Variants in RETREG3 observed in about 807,000 individuals in gnomAD.
The protein encoded by RETREG3 is reticulophagy regulator family member 3.
In RETREG3, 23 loss-of-function variants were observed where a neutral mutation model predicts 50.2. The observed-to-expected ratio is 0.46, with a 90% confidence interval of 0.33 to 0.65. The LOEUF is 0.65. Among genes scored for constraint, RETREG3 ranks in the 30% least tolerant of loss-of-function variants. The pLI is 0.02. For synonymous variants in RETREG3, 240 were observed against 234.4 expected, an observed-to-expected ratio of 1.02 and a Z score of -0.22; for missense variants, 546 against 598.0, an observed-to-expected ratio of 0.91 and a Z score of 0.91.
chr17:42,581,958 G>C lies in RETREG3; in HGVS notation c.1256C>G (p.Ser419Cys). The change falls in exon 9 of 9, where the codon TCT becomes TGT. Residue 419 changes from serine to cysteine, a missense_variant. Transcript: ENST00000309428. ...CGTTGCTCTCTGGGCAGGTGCTCCA[G>C]AAGGGCCTGGTTGGGAGGCCCCTGA... The part of the protein sequence containing the change: ...ALSGASQPGP[S>C]GAPAQRATRG... 3 of 1,614,136 alleles carry C rather than the reference G, an allele frequency of 1.9e-6. No homozygotes were observed. Among genetic ancestry groups the C allele is most frequent in the Non-Finnish European group, 1.7e-6 (2 of 1,180,022 alleles).
chr17:42,607,365 T>C lies in RETREG3; in HGVS notation c.239+1721A>G, dbSNP rs552177330. Among the ~76,000 whole-genome samples, 80 of 151,186 alleles carry C rather than the reference T, an allele frequency of 5.3e-4. 1 individual carries two copies. The highest frequency in any genetic ancestry group is 1.8e-3 in the African/African-American group (76 of 41,118). On this transcript the variant is annotated intron_variant, in intron 1 of 8. Transcript: ENST00000309428. The stretch of plus-strand genomic sequence containing the variant: ...AATTTAAAAAATTAGCCAAGCATGA[T>C]GATGTGCACCTCTGGTCCCAGCTAT...
chr17:42,594,091 T>C (rs2093138778), intron 1 of RETREG3, among the ~76,000 whole-genome samples: 2 of 152,236 alleles, frequency 1.3e-5, no homozygotes, highest in Non-Finnish European at 2.9e-5. Flanking sequence ...CCTGGGGGAC[T>C]GCGTCACAAG....
intron 1 of RETREG3, among the ~76,000 whole-genome samples, chr17:42,596,059 C>G (rs1235083926): frequency 2.6e-5 from 4 of 151,952 alleles, no homozygotes; most frequent in African/African-American, 9.7e-5. Context: ...AGTTCTCACG[C>G]TCATTATCGT....
chr17:42,606,579 C>T (rs1021446918), intron 1 of RETREG3, among the ~76,000 whole-genome samples: 2 of 146,824 alleles, frequency 1.4e-5, no homozygotes, highest in African/African-American at 2.5e-5. Context: ...CCAGCCTGGG[C>T]GACAGAGCGA....
chr17:42,587,852 T>A lies in RETREG3; in HGVS notation c.359A>T (p.Asp120Val), dbSNP rs1169452792. 6.2e-7 allele frequency: 1 copy of A among 1,614,172 alleles called. No individual in the cohort carries two copies. Among genetic ancestry groups the A allele is most frequent in the East Asian group, 2.2e-5 (1 of 44,876 alleles). ...TCCATACCTCTCATTGTCTAATGCG[T>A]CGGGTCTTGGCACTACAATATTAAA... Reference protein sequence around the residue: ...IWPEIKVPRPDALDNESWGFV... With the variant: ...IWPEIKVPRPVALDNESWGFV... Residue 120 changes from aspartate to valine, a missense_variant, in exon 3 of 9, where the codon GAC becomes GTC. Coordinates refer to ENST00000309428, the MANE Select transcript of RETREG3 (RefSeq NM_178126.4).
chr17:42,591,919 T>C, intron 2 of RETREG3, 137 bp downstream of exon 2: 1 of 702,486 alleles, frequency 1.4e-6, no homozygotes, highest in East Asian at 2.7e-5. Context: ...TTCAAGTGCC[T>C]CCTAAAGCAA....
intron 1 of RETREG3, among the ~76,000 whole-genome samples, chr17:42,599,708 A>G (rs565555279): frequency 6.6e-6 from 1 of 151,526 alleles, no homozygotes; most frequent in East Asian, 2.0e-4. Context: ...TATCGAAAAA[A>G]AAGTACAGGC....
chr17:42,581,910 C>A lies in RETREG3; in HGVS notation c.1304G>T (p.Ser435Ile), dbSNP rs377741924. The A allele has an allele frequency of 5.7e-5, 92 of 1,614,076 alleles. No individual in the cohort carries two copies. Among genetic ancestry groups the A allele is most frequent in the Non-Finnish European group, 7.6e-5 (90 of 1,180,042 alleles). ...RATRGFLRSP[S>I]SDLDTDAEGD... Reference sequence around the variant, plus strand: ...CTCAGCATCAGTGTCCAGGTCTGAACTGGGGGACCGGAGGAAGCCTCTCGT... The same window carrying A: ...CTCAGCATCAGTGTCCAGGTCTGAAATGGGGGACCGGAGGAAGCCTCTCGT... The change falls in exon 9 of 9, where the codon AGT (serine) becomes ATT (isoleucine). Residue 435 changes from serine (S) to isoleucine (I), a missense_variant. By Grantham distance (142) the Ser-to-Ile change is moderately radical (BLOSUM62 -2). Transcript: ENST00000309428.
intron 1 of RETREG3, among the ~76,000 whole-genome samples, chr17:42,594,743 C>A (rs1187278310): frequency 6.6e-6 from 1 of 151,190 alleles, no homozygotes; most frequent in Non-Finnish European, 1.5e-5. Flanking sequence ...CCCAGCTACT[C>A]GGGAGGCTGA....
At chr17:42,589,255 C>T (rs894929778) in intron 2 of RETREG3, among the ~76,000 whole-genome samples, 3 of 152,120 alleles carry the variant, frequency 2.0e-5, no homozygotes, top group Non-Finnish European at 4.4e-5. Context: ...AACCTGTATA[C>T]TCTGGTTTGA....
intron 1 of RETREG3, among the ~76,000 whole-genome samples, chr17:42,592,753 G>T (rs369958995): frequency 6.6e-6 from 1 of 152,016 alleles, no homozygotes; most frequent in South Asian, 2.1e-4. Flanking sequence ...GGAGTTTGAG[G>T]CCAGCCTGGC....
chr17:42,592,859 T>C (rs2093135899), intron 1 of RETREG3, among the ~76,000 whole-genome samples: 1 of 151,968 alleles, frequency 6.6e-6, no homozygotes, highest in African/African-American at 2.4e-5. Context: ...GGCTGAGGCA[T>C]GCCTGTAATC....
At chr17:42,596,359 C>CAAAAAAAAAAAAAAAAAAAAAAAAAA (rs60457978) in intron 1 of RETREG3, among the ~76,000 whole-genome samples, 1 of 64,712 alleles carries the variant, frequency 1.5e-5, no homozygotes, top group African/African-American at 6.6e-5. Context: ...GACCCTTTCT[C>CAAAAAAAAAAAAAAAAAAAAAAAAAA]AAAAAAAAAA....
intron 1 of RETREG3, among the ~76,000 whole-genome samples, chr17:42,597,619 ATTTTTTTTTTTTTTTTT>A (rs869223820): frequency 2.1e-4 from 3 of 14,372 alleles, no homozygotes; most frequent in Admixed American, 1.1e-3. Context: ...ATATATATAT[ATTTTTTTTTTTTTTTTT>A]TTTTTTTTTT....
intron 1 of RETREG3, chr17:42,596,605 C>T (rs1028548062): frequency 2.0e-5 from 3 of 151,994 alleles, no homozygotes; most frequent in Middle Eastern, 3.4e-3. Context: ...CTTGTTTTAC[C>T]GCTTGACTTC....
At chr17:42,609,385 G>A (rs540562548), upstream of RETREG3, 41 of 1,503,600 alleles carry the variant, frequency 2.7e-5, no homozygotes, top group African/African-American at 4.2e-4. Flanking sequence ...AACAGCAACT[G>A]CGCAGATGCG....
intron 5 of RETREG3, among the ~76,000 whole-genome samples, chr17:42,585,671 T>G (rs1317416015): frequency 6.6e-6 from 1 of 152,218 alleles, no homozygotes; most frequent in Admixed American, 6.5e-5. Flanking sequence ...TTTACAAAAC[T>G]ATGCTCCAAG....
chr17:42,602,225 G>C (rs1156500202), intron 1 of RETREG3, among the ~76,000 whole-genome samples: 1 of 151,878 alleles, frequency 6.6e-6, no homozygotes, highest in Non-Finnish European at 1.5e-5. Flanking sequence ...GCTGAGGCAG[G>C]AGAACTGCTT....
At position 42,607,090 on chromosome 17, in the gene RETREG3, T is replaced by C. The variant is rs898607119; in HGVS notation, c.239+1996A>G. ...GTTTAATGAGGCCCAGCCTTCTTGC[T>C]AGAGATACCAAAACCACTGTGGGAA... On this transcript the variant is annotated intron_variant, in intron 1 of 8. Transcript: ENST00000309428. Among the ~76,000 whole-genome samples, 211 of 152,310 alleles carry C rather than the reference T, an allele frequency of 1.4e-3. 1 individual carries two copies. Among genetic ancestry groups the C allele is most frequent in the Non-Finnish European group, 2.1e-3 (144 of 68,014 alleles).
Sources: allele counts gnomAD v4.1 joint callset (sites outside exome capture counted in the v4.1 genomes callset), GRCh38; gene constraint gnomAD v4.1.1; transcripts MANE v1.5; gene names NCBI Gene and HGNC (gene_info 2026-07-23, HGNC 2026-07-21).